ELP4: variants seen among roughly 807,000 people sequenced by gnomAD.
ELP4 encodes elongator acetyltransferase complex subunit 4, also known as elongator complex protein 4.
A neutral mutation model predicts 48.9 loss-of-function variants in ELP4; 51 were observed. The observed-to-expected ratio is 1.04, with a 90% confidence interval of 0.83 to 1.32. The LOEUF (loss-of-function observed/expected upper bound fraction) is 1.32. ELP4 is among the 40% of genes most tolerant of loss of function. The probability of loss-of-function intolerance (pLI) is 0.00; values close to 1 mark genes in which losing one functional copy is unlikely to be tolerated. For missense variants in ELP4, 519 were observed against 514.6 expected (o/e 1.01, Z -0.08); for synonymous variants, 210 against 189.2 (o/e 1.11, Z -0.90).
intron 9 of ELP4, among the ~76,000 whole-genome samples, chr11:31,763,225 A>G (rs780290814): frequency 8.5e-5 from 13 of 152,168 alleles, no homozygotes; most frequent in Non-Finnish European, 1.3e-4. Context: ...AAAAATATCC[A>G]AATATAAGCC....
At position 31,783,674 on chromosome 11, in the gene ELP4, A is replaced by T; in HGVS notation, c.*150A>T. ...ATGGTGCCGCCATTTCTCATTTTTTAACTTTTTACAGAACTAGCACAGCAG... is the reference window on the plus strand; with the variant it reads ...ATGGTGCCGCCATTTCTCATTTTTTTACTTTTTACAGAACTAGCACAGCAG... On this transcript the variant is annotated 3_prime_UTR_variant, in exon 10 of 10. Coordinates refer to ENST00000640961, the MANE Select transcript of ELP4 (RefSeq NM_019040.5). 1.4e-6 allele frequency: 1 copy of T among 717,702 alleles called. No individual in the cohort carries two copies. Among genetic ancestry groups the T allele is most frequent in the Non-Finnish European group, 2.2e-6 (1 of 459,016 alleles). 44.5% of individuals were successfully genotyped at this position (717,702 alleles called of 1,614,324 possible). A position where few individuals can be genotyped will look rare whatever the true frequency, so the allele number is the denominator to read the frequency against.
At chr11:31,556,032 T>C (rs1376265077) in intron 3 of ELP4, among the ~76,000 whole-genome samples, 1 of 151,972 alleles carries the variant, frequency 6.6e-6, no homozygotes, top group Non-Finnish European at 1.5e-5. Flanking sequence ...GACAGTCTTA[T>C]AGACCATAAT....
chr11:31,544,611 A>G (rs1288780974), intron 3 of ELP4, among the ~76,000 whole-genome samples: 1 of 152,206 alleles, frequency 6.6e-6, no homozygotes, highest in Non-Finnish European at 1.5e-5. Context: ...ACCTCTGCAG[A>G]CTTAAATGTC....
At position 31,753,895 on chromosome 11, in the gene ELP4, T is replaced by C. The variant is rs184627146; in HGVS notation, c.1144-29498T>C. ...TCAAATTTACTTCAGTGCTTACCTC[T>C]AGAGAGGTATGGAGTAGTGGAGAGA... On this transcript the variant is annotated intron_variant, in intron 9 of 9. Transcript: ENST00000640961. 3.9e-5 allele frequency among the ~76,000 whole-genome samples: 6 copies of C among 152,310 alleles called. No homozygotes were observed. In the East Asian group the frequency reaches 1.2e-3, roughly 29 times the overall value.
At chr11:31,616,284 A>G (rs534470047) in intron 5 of ELP4, among the ~76,000 whole-genome samples, 1 of 152,242 alleles carries the variant, frequency 6.6e-6, no homozygotes, top group East Asian at 1.9e-4. Flanking sequence ...AAATTTTGGT[A>G]TATATGGTCA....
Position 31,709,547 on chromosome 11 carries a change from A to G in ELP4, c.1143+59326A>G, listed in dbSNP as rs535316423. ...GAAAGAGTTTATCGTGGTAATTAAT[A>G]TACCACACCTCAGTATCTGCGGACT... On this transcript the variant is annotated intron_variant, in intron 9 of 9. Transcript: ENST00000640961. 5.9e-5 allele frequency among the ~76,000 whole-genome samples: 9 copies of G among 152,292 alleles called. No individual in the cohort carries two copies. In the East Asian group the frequency reaches 1.7e-3, roughly 29 times the overall value.
chr11:31,627,066 G>T, intron 5 of ELP4, 44 bp from the exon 6 acceptor site: 1 of 1,081,148 alleles, frequency 9.2e-7, no homozygotes, highest in African/African-American at 1.6e-5. Flanking sequence ...TACTTCTTAT[G>T]TAATAACCCA....
chr11:31,591,300 G>A (rs1957565670), intron 3 of ELP4, among the ~76,000 whole-genome samples: 1 of 151,080 alleles, frequency 6.6e-6, no homozygotes, highest in African/African-American at 2.4e-5. Flanking sequence ...CAGCTACTCA[G>A]GAGGCTGAGG....
intron 9 of ELP4, among the ~76,000 whole-genome samples, chr11:31,677,156 A>G (rs906625435): frequency 6.6e-6 from 1 of 152,202 alleles, no homozygotes; most frequent in African/African-American, 2.4e-5. Context: ...TTTAAATTCT[A>G]ATTAAACAGT....
At chr11:31,529,647 G>T (rs1956360858) in intron 2 of ELP4, among the ~76,000 whole-genome samples, 1 of 152,168 alleles carries the variant, frequency 6.6e-6, no homozygotes. Context: ...GCTGGATTTT[G>T]TCAACATTCT....
chr11:31,707,189 T>G (rs1282087820), intron 9 of ELP4: 1 of 389,618 alleles, frequency 2.6e-6, no homozygotes, highest in African/African-American at 2.1e-5. Context: ...CGAGTTTATA[T>G]TCCCACCAAC....
intron 3 of ELP4, among the ~76,000 whole-genome samples, chr11:31,545,996 G>A (rs577641010): frequency 6.6e-6 from 1 of 152,022 alleles, no homozygotes; most frequent in Non-Finnish European, 1.5e-5. Flanking sequence ...ACTAAACATG[G>A]AAAGGAACAA....
intron 5 of ELP4, among the ~76,000 whole-genome samples, chr11:31,625,283 A>C (rs372276037): frequency 8.6e-5 from 13 of 151,874 alleles, no homozygotes; most frequent in East Asian, 3.9e-4. Context: ...TCATTGACCA[A>C]AACGTCCCTA....
At chr11:31,721,928 C>A (rs1946969468) in intron 9 of ELP4, among the ~76,000 whole-genome samples, 1 of 152,088 alleles carries the variant, frequency 6.6e-6, no homozygotes, top group African/African-American at 2.4e-5. Context: ...TTACTACTTA[C>A]TCCCTGACCG....
At chr11:31,736,726 A>G (rs1351363747) in intron 9 of ELP4, among the ~76,000 whole-genome samples, 5 of 152,254 alleles carry the variant, frequency 3.3e-5, no homozygotes, top group African/African-American at 9.6e-5. Context: ...ACATGAGAAA[A>G]TGCTCATCAT....
intron 9 of ELP4, chr11:31,780,766 G>C (rs893598259): frequency 2.6e-5 from 4 of 152,196 alleles, no homozygotes; most frequent in African/African-American, 9.7e-5. Flanking sequence ...AAATAGGTAG[G>C]CTCCTGAAAT....
At chr11:31,666,891 T>A (rs1212236942) in intron 9 of ELP4, among the ~76,000 whole-genome samples, 1 of 152,116 alleles carries the variant, frequency 6.6e-6, no homozygotes, top group Non-Finnish European at 1.5e-5. Context: ...AAAAGAGTGA[T>A]TAAAAGACTT....
intron 6 of ELP4, among the ~76,000 whole-genome samples, chr11:31,631,900 A>G (rs1300940004): frequency 6.6e-6 from 1 of 152,110 alleles, no homozygotes; most frequent in Non-Finnish European, 1.5e-5. Flanking sequence ...TTTCATCATT[A>G]TTATCTGTTT....
intron 9 of ELP4, among the ~76,000 whole-genome samples, chr11:31,746,899 A>C (rs1038831905): frequency 6.7e-6 from 1 of 149,300 alleles, no homozygotes; most frequent in African/African-American, 2.5e-5. Flanking sequence ...AATAATAATA[A>C]TTTTTTTAAA....
Sources: gnomAD v4.1 joint callset for allele counts (sites outside exome capture counted in the v4.1 genomes callset) on GRCh38, gnomAD v4.1.1 for gene constraint, MANE v1.5 for transcripts, NCBI Gene and HGNC (gene_info 2026-07-23, HGNC 2026-07-21) for gene names.